UIMC1: variants seen among roughly 807,000 people sequenced by gnomAD.
The protein encoded by UIMC1 is ubiquitin interaction motif containing 1.
Under a neutral mutation model 84.9 loss-of-function variants are expected in UIMC1, and 42 were observed. The observed-to-expected ratio is 0.49, with a 90% CI of 0.39 to 0.64. The LOEUF is 0.64. Among genes scored for constraint, UIMC1 ranks in the 30% least tolerant of loss-of-function variants. The pLI, the probability that UIMC1 is intolerant of heterozygous loss-of-function variation, is 0.00. For missense variants in UIMC1, 825 were observed against 847.6 expected, an observed-to-expected ratio of 0.97 and a Z score of 0.33; for synonymous variants, 281 against 293.0, an observed-to-expected ratio of 0.96 and a Z score of 0.42.
intron 1 of UIMC1, among the ~76,000 whole-genome samples, chr5:177,017,160 A>G (rs1775690772): frequency 6.6e-6 from 1 of 152,212 alleles, no homozygotes; most frequent in African/African-American, 2.4e-5. Flanking sequence ...CCTCAAGAGC[A>G]CCCCTTCTGT....
intron 10 of UIMC1, among the ~76,000 whole-genome samples, chr5:176,938,615 A>G (rs1282069983): frequency 6.6e-6 from 1 of 152,116 alleles, no homozygotes; most frequent in African/African-American, 2.4e-5. Flanking sequence ...GAAGATTAAG[A>G]CGAAGCTATT....
At chr5:176,989,460 G>C (rs1236159507) in intron 1 of UIMC1, among the ~76,000 whole-genome samples, 1 of 151,910 alleles carries the variant, frequency 6.6e-6, no homozygotes, top group African/African-American at 2.4e-5. Context: ...AAGAGTTTGA[G>C]ACCAGCCTGG....
chr5:176,921,978 T>C (rs909273425), intron 10 of UIMC1, among the ~76,000 whole-genome samples: 1 of 152,180 alleles, frequency 6.6e-6, no homozygotes, highest in African/African-American at 2.4e-5. Flanking sequence ...GTGTCTTTCC[T>C]GCAGCTCTAA....
At chr5:176,999,332 T>G (rs1333230973) in intron 1 of UIMC1, among the ~76,000 whole-genome samples, 2 of 152,214 alleles carry the variant, frequency 1.3e-5, no homozygotes, top group Admixed American at 1.3e-4. Flanking sequence ...GATGCTTTGT[T>G]ACAGGTACAC....
intron 2 of UIMC1, among the ~76,000 whole-genome samples, chr5:176,977,862 T>C (rs939256846): frequency 6.6e-6 from 1 of 151,140 alleles, no homozygotes; most frequent in Non-Finnish European, 1.5e-5. Flanking sequence ...AGTGAGCTGA[T>C]ATCATGCCAT....
At chr5:176,948,891 T>A (rs1765472173) in intron 9 of UIMC1, among the ~76,000 whole-genome samples, 1 of 152,194 alleles carries the variant, frequency 6.6e-6, no homozygotes, top group Admixed American at 6.5e-5. Flanking sequence ...ACACCCTTTA[T>A]ACTATCTTTG....
chr5:176,908,837 C>T, intron 11 of UIMC1, 143 bp from the exon 12 acceptor site: 1 of 794,260 alleles, frequency 1.3e-6, no homozygotes, highest in South Asian at 2.0e-5. Flanking sequence ...ATTCACTCAG[C>T]AGGATCACCA....
intron 1 of UIMC1, among the ~76,000 whole-genome samples, chr5:176,992,354 G>C (rs1772996808): frequency 6.6e-6 from 1 of 151,806 alleles, no homozygotes; most frequent in Non-Finnish European, 1.5e-5. Flanking sequence ...GCCAGGAATA[G>C]TGGCACATGC....
At chr5:177,015,050 T>C (rs1043716701) in intron 1 of UIMC1, among the ~76,000 whole-genome samples, 9 of 152,282 alleles carry the variant, frequency 5.9e-5, no homozygotes, top group African/African-American at 1.9e-4. Context: ...CTGACAAACA[T>C]GGTGAAACCT....
intron 10 of UIMC1, among the ~76,000 whole-genome samples, chr5:176,932,152 G>A (rs1763167126): frequency 6.6e-6 from 1 of 152,082 alleles, no homozygotes; most frequent in African/African-American, 2.4e-5. Context: ...CAGTACTGTG[G>A]GCATTCAAAT....
chr5:176,908,545 T>C lies in UIMC1; in HGVS notation c.1826A>G (p.Gln609Arg). ...TACCTTTGGGTTCTTCAGCCTCTGC[T>C]GCCACTTCCCCTCCACAGTTGAACA... ...RACSTVEGKWQQRLKNPKEKG... is the reference protein window; with the variant it reads ...RACSTVEGKWRQRLKNPKEKG... The change falls in exon 12 of 15, where the codon CAG (glutamine) becomes CGG (arginine). Residue 609 changes from glutamine to arginine, a missense_variant. By Grantham distance (43) the Gln-to-Arg change is conservative (BLOSUM62 1). Transcript: ENST00000511320. The C allele has an allele frequency of 6.2e-7, 1 of 1,614,002 alleles. No homozygotes were observed. Among genetic ancestry groups the C allele is most frequent in the South Asian group, 1.1e-5 (1 of 91,080 alleles).
intron 1 of UIMC1, among the ~76,000 whole-genome samples, chr5:176,983,468 C>T (rs7729582): frequency 0.098 from 14,846 of 152,168 alleles, 1,511 homozygotes; most frequent in African/African-American, 0.26. Context: ...CTCCTGGCCT[C>T]GGGTGATCTG....
Position 176,969,589 on chromosome 5 carries a change from A to G in UIMC1, c.463+12T>C, listed in dbSNP as rs371929540. On this transcript the variant is annotated intron_variant, in intron 5 of 14. Transcript: ENST00000511320. ...CTTGATGAATGGAAGGAGTCAGAAC[A>G]GGGAGACATGCCTTCAGTGAGCCCA... is the stretch of plus-strand genomic sequence containing the variant. 30 of 1,612,582 alleles carry G rather than the reference A, an allele frequency of 1.9e-5. No individual in the cohort carries two copies. In the African/African-American group the frequency reaches 3.7e-4, roughly 20 times the overall value.
chr5:176,927,397 G>A (rs1053991709), intron 10 of UIMC1, among the ~76,000 whole-genome samples: 5 of 151,768 alleles, frequency 3.3e-5, no homozygotes, highest in Non-Finnish European at 7.4e-5. Context: ...GAGATTACAG[G>A]TGTGCAGCAC....
intron 1 of UIMC1, among the ~76,000 whole-genome samples, chr5:176,984,416 C>T (rs559845721): frequency 2.5e-4 from 36 of 146,920 alleles, no homozygotes; most frequent in African/African-American, 8.5e-4. Context: ...GCCGCCACCC[C>T]GTCTGGGAAG....
At chr5:176,997,684 C>CCA (rs1773818361) in intron 1 of UIMC1, among the ~76,000 whole-genome samples, 1 of 102,930 alleles carries the variant, frequency 9.7e-6, no homozygotes, top group Non-Finnish European at 2.1e-5. Context: ...GACTCTGTCT[C>CCA]AAAAAAAAAA....
intron 10 of UIMC1, among the ~76,000 whole-genome samples, chr5:176,924,777 A>G (rs981151879): frequency 1.3e-5 from 2 of 152,322 alleles, no homozygotes; most frequent in East Asian, 1.9e-4. Flanking sequence ...GCGGTGGCTC[A>G]TATCTGTAAT....
At chr5:176,938,018 C>A (rs1763915828) in intron 10 of UIMC1, among the ~76,000 whole-genome samples, 1 of 151,690 alleles carries the variant, frequency 6.6e-6, no homozygotes, top group Non-Finnish European at 1.5e-5. Context: ...TAAAAAGACT[C>A]CATCTCTACA....
At chr5:176,924,248 G>A (rs1269916918) in intron 10 of UIMC1, among the ~76,000 whole-genome samples, 1 of 149,916 alleles carries the variant, frequency 6.7e-6, no homozygotes, top group African/African-American at 2.5e-5. Flanking sequence ...AACCTGGGAG[G>A]CGGAGGTTGC....
Sources: allele counts gnomAD v4.1 joint callset (sites outside exome capture counted in the v4.1 genomes callset), GRCh38; gene constraint gnomAD v4.1.1; transcripts MANE v1.5; gene names NCBI Gene and HGNC (gene_info 2026-07-23, HGNC 2026-07-21).